PLBD1: variants seen among roughly 807,000 people sequenced by gnomAD.
The protein encoded by PLBD1 is phospholipase B domain containing 1, also known as lysosomal leucine aminopeptidase.
In PLBD1, 60 loss-of-function variants were observed where a neutral mutation model predicts 63.0. That is an observed-to-expected ratio of 0.95 (90% CI 0.77 to 1.18). The LOEUF is 1.18. Ranked by LOEUF, PLBD1 falls within the 50% of genes most tolerant of loss-of-function variation. The pLI, the probability that PLBD1 is intolerant of heterozygous loss-of-function variation, is 0.00. For synonymous variants in PLBD1, 262 were observed against 248.0 expected, an observed-to-expected ratio of 1.06 and a Z score of -0.53; for missense variants, 598 against 677.9, an observed-to-expected ratio of 0.88 and a Z score of 1.31.
chr12:14,546,332 AT>A (rs1164391817), intron 2 of PLBD1, among the ~76,000 whole-genome samples: 4 of 151,730 alleles, frequency 2.6e-5, no homozygotes, highest in African/African-American at 9.7e-5. Context: ...AAAAAAAAAA[AT>A]GAAAAACAAA....
intron 1 of PLBD1, among the ~76,000 whole-genome samples, chr12:14,561,372 G>A (rs1327181485): frequency 6.6e-6 from 1 of 151,908 alleles, no homozygotes; most frequent in African/African-American, 2.4e-5. Context: ...GCCCCATTCT[G>A]GTTCCATGCT....
At chr12:14,505,180 AAAG>A in intron 10 of PLBD1, among the ~76,000 whole-genome samples, 1 of 152,098 alleles carries the variant, frequency 6.6e-6, no homozygotes, top group Non-Finnish European at 1.5e-5. Context: ...ACATAGCTAA[AAAG>A]AAGGTTGAGC....
At chr12:14,566,152 C>T (rs1425225189) in intron 1 of PLBD1, among the ~76,000 whole-genome samples, 1 of 152,154 alleles carries the variant, frequency 6.6e-6, no homozygotes, top group African/African-American at 2.4e-5. Flanking sequence ...CTTTTGGGAC[C>T]CTCCCCAGCC....
At position 14,566,690 on chromosome 12, in the gene PLBD1, ACT is replaced by A. The variant is rs200381934; in HGVS notation, c.115+890_115+891del. ...AGAAAATGCCCTCTGGCATCCCCTA[ACT>A]CTGTCTTATTTGCTGTGTTATCTTT... On this transcript the variant is annotated intron_variant, in intron 1 of 10. Transcript: ENST00000240617. Among the ~76,000 whole-genome samples the A allele has an allele frequency of 1.5e-3, 230 of 151,464 alleles. 2 individuals carry two copies. The South Asian group carries it at 0.02, about 13-fold the overall frequency.
At position 14,506,241 on chromosome 12, in the gene PLBD1, C is replaced by G. The variant is rs1459666050; in HGVS notation, c.1400G>C (p.Gly467Ala). The G allele has an allele frequency of 6.2e-7, 1 of 1,611,824 alleles. No homozygotes were observed. Among genetic ancestry groups the G allele is most frequent in the Non-Finnish European group, 8.5e-7 (1 of 1,178,436 alleles). Residue 467 changes from glycine (G) to alanine (A), a missense_variant, in exon 10 of 11, where the codon GGT (glycine) becomes GCT (alanine). Physicochemically the swap from Gly to Ala is moderately conservative, Grantham distance 60. Coordinates refer to ENST00000240617, the MANE Select transcript of PLBD1 (RefSeq NM_024829.6). ...GCAGCAGATGGTATTACAGGGGTCA[C>G]CTCTACTGTAAGGATCCTTCTTATA... ...NNYKKDPYSR[G>A]DPCNTICCRE...
At position 14,540,820 on chromosome 12, in the gene PLBD1, G is replaced by C; in HGVS notation, c.502C>G (p.Gln168Glu). ...FWRHTGYVMA[Q>E]IDGLYVGAKK... is the part of the protein sequence containing the mutation. ...GCTCCTACATAGAGGCCATCTATTT[G>C]TGCCATCACATAGCCTGTATGTCTC... The change falls in exon 4 of 11, where the codon CAA becomes GAA. Residue 168 changes from glutamine (Q) to glutamate (E), a missense_variant. Gln to Glu is a conservative substitution (Grantham distance 29, BLOSUM62 2). Coordinates refer to ENST00000240617, the MANE Select transcript of PLBD1 (RefSeq NM_024829.6). The C allele has an allele frequency of 6.2e-7, 1 of 1,610,320 alleles. No homozygotes were observed. The highest frequency in any genetic ancestry group is 8.5e-7 in the Non-Finnish European group (1 of 1,177,420).
chr12:14,548,473 A>T, intron 2 of PLBD1, among the ~76,000 whole-genome samples: 1 of 143,314 alleles, frequency 7.0e-6, no homozygotes, highest in African/African-American at 2.8e-5. Flanking sequence ...AAAAAAAAAA[A>T]AAAAAAAAAG....
chr12:14,519,607 A>C (rs2136910341), intron 6 of PLBD1, among the ~76,000 whole-genome samples: 1 of 147,796 alleles, frequency 6.8e-6, no homozygotes, highest in Middle Eastern at 3.5e-3. Flanking sequence ...TGACAGAGTG[A>C]GACATCATCT....
intron 6 of PLBD1, among the ~76,000 whole-genome samples, chr12:14,521,934 A>G (rs897730420): frequency 6.6e-6 from 1 of 152,148 alleles, no homozygotes; most frequent in African/African-American, 2.4e-5. Flanking sequence ...TGAATAAAGA[A>G]TTCAACAGAG....
At chr12:14,538,677 A>G (rs776499380) in intron 4 of PLBD1, among the ~76,000 whole-genome samples, 2 of 152,168 alleles carry the variant, frequency 1.3e-5, no homozygotes, top group Non-Finnish European at 2.9e-5. Context: ...AATTCCTAGA[A>G]GTGATTTAGA....
chr12:14,553,426 GAAT>G lies in PLBD1; in HGVS notation c.116-17_116-15del. ...CATAGTAGACTCCTAGAAGAAAAGGGAATAATGACAAAAACGCCATTCAAATGA... is the reference window on the plus strand; with the variant it reads ...CATAGTAGACTCCTAGAAGAAAAGGGAATGACAAAAACGCCATTCAAATGA... On this transcript the variant is annotated splice_polypyrimidine_tract_variant and intron_variant, in intron 1 of 10. Transcript: ENST00000240617. 2 of 1,599,220 alleles carry G rather than the reference GAAT, an allele frequency of 1.3e-6. No individual in the cohort carries two copies. The highest frequency in any genetic ancestry group is 1.3e-5 in the African/African-American group (1 of 74,592).
intron 8 of PLBD1, 25 bp from the exon 9 acceptor site, chr12:14,507,143 A>G (rs1403614520): frequency 2.6e-6 from 4 of 1,534,422 alleles, no homozygotes; most frequent in Non-Finnish European, 3.6e-6. Flanking sequence ...AAGGGAAGTA[A>G]GGGAGGGATT....
chr12:14,529,044 A>G (rs975396749), intron 6 of PLBD1, among the ~76,000 whole-genome samples: 3 of 152,108 alleles, frequency 2.0e-5, no homozygotes, highest in Admixed American at 6.5e-5. Context: ...TAAAGAAGAA[A>G]ATGGGCTGGG....
Position 14,507,069 on chromosome 12 carries a change from C to G in PLBD1, c.1236G>C (p.Trp412Cys). 1 of 1,613,392 alleles carries G rather than the reference C, an allele frequency of 6.2e-7. No homozygotes were observed. Among genetic ancestry groups the G allele is most frequent in the East Asian group, 2.2e-5 (1 of 44,850 alleles). ...NVPFHEKIYN[W>C]SGYPLLVQKL... ...TCTGAACTAACAGTGGATAGCCACT[C>G]CAGTTGTAGATTTTTTCATGGAAAG... The change falls in exon 9 of 11, where the codon TGG becomes TGC. Residue 412 changes from tryptophan (W) to cysteine (C), a missense_variant. Coordinates refer to ENST00000240617, the MANE Select transcript of PLBD1 (RefSeq NM_024829.6).
chr12:14,539,454 T>A (rs1331991102), intron 4 of PLBD1, among the ~76,000 whole-genome samples: 1 of 151,818 alleles, frequency 6.6e-6, no homozygotes, highest in Non-Finnish European at 1.5e-5. Context: ...AAGATATATT[T>A]TTTAAAATCT....
intron 6 of PLBD1, among the ~76,000 whole-genome samples, chr12:14,513,421 T>A (rs1427270533): frequency 2.0e-5 from 3 of 152,232 alleles, no homozygotes; most frequent in African/African-American, 7.2e-5. Context: ...ACATTTCTAC[T>A]AATGTGCAAA....
intron 1 of PLBD1, among the ~76,000 whole-genome samples, chr12:14,564,460 G>A (rs1052943794): frequency 7.2e-5 from 11 of 152,160 alleles, no homozygotes; most frequent in African/African-American, 1.2e-4. Context: ...GCACTCTCTC[G>A]GCTGACTCAA....
intron 1 of PLBD1, chr12:14,553,769 G>T: frequency 3.1e-6 from 1 of 325,088 alleles, no homozygotes. Flanking sequence ...GGATGGCTCA[G>T]CTAGTTGTAT....
chr12:14,532,635 T>C (rs1945475203), intron 6 of PLBD1, among the ~76,000 whole-genome samples: 1 of 152,176 alleles, frequency 6.6e-6, no homozygotes, highest in African/African-American at 2.4e-5. Flanking sequence ...CCAGAGCTCC[T>C]TAGGGCATCT....
Sources: gnomAD v4.1 joint callset for allele counts (sites outside exome capture counted in the v4.1 genomes callset) on GRCh38, gnomAD v4.1.1 for gene constraint, MANE v1.5 for transcripts, NCBI Gene and HGNC (gene_info 2026-07-23, HGNC 2026-07-21) for gene names.